RBFOX3: variants seen among roughly 807,000 people sequenced by gnomAD.
The protein encoded by RBFOX3 is RNA binding fox-1 homolog 3.
RBFOX3 carries 17 observed loss-of-function variants against 48.7 expected under a neutral mutation model. The ratio of observed to expected loss-of-function variants is 0.35; its 90% CI spans 0.24 to 0.52. The LOEUF is 0.52. Among genes scored for constraint, RBFOX3 ranks in the 20% least tolerant of loss-of-function variants. The probability of loss-of-function intolerance (pLI) is 0.94; values close to 1 mark genes in which losing one functional copy is unlikely to be tolerated. For missense variants in RBFOX3, 382 were observed against 497.5 expected (o/e 0.77, Z 2.21); for synonymous variants, 212 against 209.5 (o/e 1.01, Z -0.10).
intron 1 of RBFOX3, among the ~76,000 whole-genome samples, chr17:79,483,836 G>A (rs945027860): frequency 3.9e-5 from 6 of 152,308 alleles, no homozygotes; most frequent in Admixed American, 3.9e-4. Flanking sequence ...ATACTTCTGG[G>A]TTTATTTAGA....
At chr17:79,582,403 CTG>C (rs1433989399) in intron 1 of RBFOX3, among the ~76,000 whole-genome samples, 8 of 152,364 alleles carry the variant, frequency 5.3e-5, no homozygotes, top group African/African-American at 1.4e-4. Flanking sequence ...CGCTTCCACT[CTG>C]TGTGTGCTCC....
chr17:79,339,166 C>T (rs760989706), intron 2 of RBFOX3, among the ~76,000 whole-genome samples: 7 of 152,060 alleles, frequency 4.6e-5, no homozygotes, highest in African/African-American at 1.4e-4. Context: ...GCAATCCTCC[C>T]GCCTCAGCCT....
At chr17:79,452,517 C>G (rs943694971) in intron 2 of RBFOX3, among the ~76,000 whole-genome samples, 3 of 152,192 alleles carry the variant, frequency 2.0e-5, no homozygotes, top group African/African-American at 7.2e-5. Context: ...GGGAGACCGT[C>G]CCCTGCCCTC....
chr17:79,593,191 C>T (rs2093472206), intron 1 of RBFOX3, among the ~76,000 whole-genome samples: 1 of 152,144 alleles, frequency 6.6e-6, no homozygotes, highest in Non-Finnish European at 1.5e-5. Flanking sequence ...CCCAGGAGAC[C>T]CCACATCCCA....
intron 4 of RBFOX3, among the ~76,000 whole-genome samples, chr17:79,151,518 C>G (rs1276920539): frequency 3.5e-3 from 2 of 574 alleles, no homozygotes; most frequent in African/African-American, 0.013. Flanking sequence ...GGAGGGGAGG[C>G]GATGGGAGGG....
intron 3 of RBFOX3, among the ~76,000 whole-genome samples, chr17:79,274,623 C>G (rs1029423845): frequency 6.6e-6 from 1 of 152,082 alleles, no homozygotes; most frequent in Non-Finnish European, 1.5e-5. Flanking sequence ...GGCTCTGTGG[C>G]ACCTGGAAAT....
At chr17:79,125,075 C>G (rs180672022) in intron 4 of RBFOX3, among the ~76,000 whole-genome samples, 2 of 152,190 alleles carry the variant, frequency 1.3e-5, no homozygotes, top group African/African-American at 4.8e-5. Context: ...GACCTCTAGA[C>G]GCCTCCTTGA....
intron 1 of RBFOX3, among the ~76,000 whole-genome samples, chr17:79,520,054 C>G (rs2149978697): frequency 6.6e-6 from 1 of 152,330 alleles, no homozygotes; most frequent in East Asian, 1.9e-4. Context: ...GTCACCAAGC[C>G]AGGTCTCCCC....
chr17:79,218,378 C>T (rs1567861374), intron 4 of RBFOX3, among the ~76,000 whole-genome samples: 1 of 152,040 alleles, frequency 6.6e-6, no homozygotes, highest in Non-Finnish European at 1.5e-5. Context: ...GAAGTGGAGC[C>T]GGGGATCTGG....
chr17:79,649,679 C>CTGGGT, the RBFOX3 span, among the ~76,000 whole-genome samples: 1 of 151,962 alleles, frequency 6.6e-6, no homozygotes, highest in Non-Finnish European at 1.5e-5. Context: ...GCACTTCAGC[C>CTGGGT]GACAGAGCAA....
At chr17:79,192,063 C>T (rs936954596) in intron 4 of RBFOX3, among the ~76,000 whole-genome samples, 18 of 152,248 alleles carry the variant, frequency 1.2e-4, no homozygotes, top group African/African-American at 4.1e-4. Context: ...TCTGAGGCTG[C>T]CACCCCTGCC....
intron 2 of RBFOX3, among the ~76,000 whole-genome samples, chr17:79,441,025 G>A (rs2070795568): frequency 6.6e-6 from 1 of 152,242 alleles, no homozygotes. Flanking sequence ...CAGCTTTGCA[G>A]GCAGGTCACA....
Position 79,587,362 on chromosome 17 carries a change from A to C in RBFOX3, c.-320+23464T>G, listed in dbSNP as rs922175853. Among the ~76,000 whole-genome samples, 4 of 152,306 alleles carry C rather than the reference A, an allele frequency of 2.6e-5. No individual in the cohort carries two copies. The East Asian group carries it at 5.8e-4, about 22-fold the overall frequency. ...TGGAGCCAAGGCAGCATGACCTTAC[A>C]TAGCATGTCCACGGCAGCCTGATCC... is the stretch of plus-strand genomic sequence containing the variant. On this transcript the variant is annotated intron_variant, in intron 1 of 14. Transcript: ENST00000693108.
chr17:79,424,269 C>G (rs182532714), intron 2 of RBFOX3: 1 of 152,444 alleles, frequency 6.6e-6, no homozygotes, highest in Non-Finnish European at 1.5e-5. Flanking sequence ...ATAGCCTGTC[C>G]GGGCCTCCCG....
At chr17:79,326,362 T>G (rs1170219313) in intron 2 of RBFOX3, among the ~76,000 whole-genome samples, 1 of 152,146 alleles carries the variant, frequency 6.6e-6, no homozygotes, top group Non-Finnish European at 1.5e-5. Context: ...CAACCCAGGA[T>G]CACGCAGAGG....
At chr17:79,139,214 G>A (rs191977227) in intron 4 of RBFOX3, among the ~76,000 whole-genome samples, 53 of 152,152 alleles carry the variant, frequency 3.5e-4, no homozygotes, top group Admixed American at 1.6e-3. Flanking sequence ...CTCACCTAAG[G>A]CACCCTCCCC....
chr17:79,174,682 ACACT>A (rs2145862327), intron 4 of RBFOX3, among the ~76,000 whole-genome samples: 1 of 151,592 alleles, frequency 6.6e-6, no homozygotes, highest in African/African-American at 2.4e-5. Flanking sequence ...CACACAATGC[ACACT>A]CACATGCACT....
At chr17:79,282,920 A>G (rs1279766146) in intron 3 of RBFOX3, among the ~76,000 whole-genome samples, 1 of 152,236 alleles carries the variant, frequency 6.6e-6, no homozygotes, top group African/African-American at 2.4e-5. Context: ...AGCATCTTTG[A>G]AGTGGTTCAG....
the RBFOX3 span, among the ~76,000 whole-genome samples, chr17:79,634,865 C>A: frequency 6.6e-6 from 1 of 151,670 alleles, no homozygotes; most frequent in East Asian, 1.9e-4. Flanking sequence ...TTCGAGACCA[C>A]CCTGGCCAAC....
Sources: allele counts gnomAD v4.1 joint callset (sites outside exome capture counted in the v4.1 genomes callset), GRCh38; gene constraint gnomAD v4.1.1; transcripts MANE v1.5; gene names NCBI Gene and HGNC (gene_info 2026-07-23, HGNC 2026-07-21).